The following AAK1 variants were observed in gnomAD, a reference collection of about 807,000 sequenced individuals.
AAK1 encodes AP2 associated kinase 1, also known as AP2-associated protein kinase 1.
Under a neutral mutation model 116.0 loss-of-function variants are expected in AAK1, and 37 were observed. The ratio of observed to expected loss-of-function variants is 0.32; its 90% CI spans 0.25 to 0.42. The LOEUF is 0.42. Ranked by LOEUF, AAK1 falls within the 10% of genes least tolerant of loss-of-function variation. The pLI is 1.00. For synonymous variants in AAK1, 458 were observed against 439.9 expected (o/e 1.04, Z -0.51); for missense variants, 919 against 1,170.6 (o/e 0.79, Z 3.14).
At chr2:69,612,145 T>TA (rs1357662782) in intron 2 of AAK1, among the ~76,000 whole-genome samples, 2 of 152,142 alleles carry the variant, frequency 1.3e-5, no homozygotes, top group African/African-American at 2.4e-5. Flanking sequence ...TAAAGTATAA[T>TA]AAAAAAAGTT....
chr2:69,507,703 C>A, intron 14 of AAK1, 125 bp from the exon 15 acceptor site: 3 of 933,560 alleles, frequency 3.2e-6, no homozygotes, highest in East Asian at 2.9e-5. Flanking sequence ...TTTTCCACCA[C>A]AGTATTTTTT....
In AAK1 at chr2:69,472,114, A is replaced by G; in HGVS notation, c.*3755T>C. On this transcript the variant is annotated 3_prime_UTR_variant, in exon 22 of 22. Coordinates refer to ENST00000409085, the MANE Select transcript of AAK1 (RefSeq NM_014911.5). ...ATTCTAAAGACTAAGGAATCACAGA[A>G]GTTTCCTTATTCAGAAAATTACAGA... The G allele has an allele frequency of 1.0e-6, 1 of 982,426 alleles. No individual in the cohort carries two copies. The highest frequency in any genetic ancestry group is 4.7e-5 in the South Asian group (1 of 21,232). The allele number at this position is 982,426 out of a possible 1,614,324, so 60.9% of individuals were successfully genotyped here.
chr2:69,477,155 T>C (rs1674885581), intron 20 of AAK1, among the ~76,000 whole-genome samples, 165 bp from the exon 21 acceptor site: 1 of 151,990 alleles, frequency 6.6e-6, no homozygotes, highest in Non-Finnish European at 1.5e-5. Flanking sequence ...AACTGGAAAA[T>C]ACAGAGATAT....
chr2:69,565,270 A>C (rs181874877), intron 2 of AAK1, among the ~76,000 whole-genome samples: 59 of 152,362 alleles, frequency 3.9e-4, no homozygotes, highest in Non-Finnish European at 1.9e-4. Context: ...TTGACTGCTA[A>C]AAACAGCTGG....
At chr2:69,602,660 G>A (rs770433820) in intron 2 of AAK1, among the ~76,000 whole-genome samples, 13 of 152,020 alleles carry the variant, frequency 8.6e-5, no homozygotes, top group African/African-American at 3.1e-4. Context: ...CCCCTGAGGC[G>A]CTCCTGACCA....
chr2:69,643,208 G>A lies in AAK1; in HGVS notation c.-168C>T. 1 of 1,419,302 alleles carries A rather than the reference G, an allele frequency of 7.0e-7. No individual in the cohort carries two copies. Among genetic ancestry groups the A allele is most frequent in the East Asian group, 2.6e-5 (1 of 38,740 alleles). 87.9% of individuals were successfully genotyped at this position (1,419,302 alleles called of 1,614,324 possible). A position where few individuals can be genotyped will look rare whatever the true frequency, so the allele number is the denominator to read the frequency against. On this transcript the variant is annotated 5_prime_UTR_variant, in exon 2 of 22. Transcript: ENST00000409085. ...GGGGGCTGAGGGAGGATGCCTATAG[G>A]AATATGCGTGTCAATCGCGCAGCGG...
intron 21 of AAK1, among the ~76,000 whole-genome samples, chr2:69,476,572 A>T (rs1674866269): frequency 6.6e-6 from 1 of 152,234 alleles, no homozygotes; most frequent in South Asian, 2.1e-4. Flanking sequence ...CATGATAAAA[A>T]ATGTGATGTG....
intron 2 of AAK1, among the ~76,000 whole-genome samples, chr2:69,582,204 T>C (rs906721600): frequency 5.3e-5 from 8 of 152,160 alleles, no homozygotes; most frequent in Non-Finnish European, 1.0e-4. Flanking sequence ...GATCTATTTT[T>C]TACAAAAGCC....
At position 69,471,901 on chromosome 2, in the gene AAK1, T is replaced by C. The variant is rs1417445417; in HGVS notation, c.*3968A>G. 3.0e-6 allele frequency: 3 copies of C among 985,118 alleles called. No individual in the cohort carries two copies. 61.0% of individuals were successfully genotyped at this position (985,118 alleles called of 1,614,324 possible). ...TAATCAAAACAACCAAAAGTATTAA[T>C]AATAAAACAAATATTACATCTTGAG... On this transcript the variant is annotated 3_prime_UTR_variant, in exon 22 of 22. Coordinates refer to ENST00000409085, the MANE Select transcript of AAK1 (RefSeq NM_014911.5).
intron 2 of AAK1, among the ~76,000 whole-genome samples, chr2:69,609,179 T>C (rs1057083788): frequency 6.6e-6 from 1 of 151,554 alleles, no homozygotes; most frequent in South Asian, 2.1e-4. Flanking sequence ...CTGGCCAACA[T>C]AGTGGAACCC....
At position 69,471,081 on chromosome 2, in the gene AAK1, A is replaced by C. The variant is rs1245112588; in HGVS notation, c.*4788T>G. Reference sequence around the variant, plus strand: ...AACTGTATGCTTTGTCTTCTTGGGAAGGACGCGTTAAAGACCTATGATAAA... The same window carrying C: ...AACTGTATGCTTTGTCTTCTTGGGACGGACGCGTTAAAGACCTATGATAAA... On this transcript the variant is annotated 3_prime_UTR_variant, in exon 22 of 22. Coordinates refer to ENST00000409085, the MANE Select transcript of AAK1 (RefSeq NM_014911.5). The C allele has an allele frequency of 3.0e-6, 3 of 985,736 alleles. No homozygotes were observed. The African/African-American group carries it at 5.2e-5, about 17-fold the overall frequency. The allele number at this position is 985,736 out of a possible 1,614,324, so 61.1% of individuals were successfully genotyped here. A position where few individuals can be genotyped will look rare whatever the true frequency, so the allele number is the denominator to read the frequency against.
chr2:69,633,218 C>CAAAAAAAAAA (rs199667063), intron 2 of AAK1, among the ~76,000 whole-genome samples: 2 of 106,052 alleles, frequency 1.9e-5, no homozygotes, highest in Admixed American at 8.9e-5. Flanking sequence ...GACTCTGTTT[C>CAAAAAAAAAA]AAAAAAAAAA....
At position 69,464,924 on chromosome 2, in the gene AAK1, G is replaced by A. The variant is rs887161566; in HGVS notation, c.*10945C>T. ...ATTATACTTCCTGTTGATGTGCAGG[G>A]TTTTTATCTTGCTCTTCTTTCCAGA... On this transcript the variant is annotated 3_prime_UTR_variant, in exon 22 of 22. Transcript: ENST00000409085. 16 of 156,048 alleles carry A rather than the reference G, an allele frequency of 1.0e-4. No homozygotes were observed. Among genetic ancestry groups the A allele is most frequent in the African/African-American group, 3.9e-4 (16 of 41,554 alleles). 9.7% of individuals were successfully genotyped at this position (156,048 alleles called of 1,614,324 possible). A position where few individuals can be genotyped will look rare whatever the true frequency, so the allele number is the denominator to read the frequency against.
At chr2:69,608,269 A>C (rs950426696) in intron 2 of AAK1, among the ~76,000 whole-genome samples, 1 of 152,152 alleles carries the variant, frequency 6.6e-6, no homozygotes, top group African/African-American at 2.4e-5. Context: ...ACATTCACCC[A>C]CCCAGCTCCC....
chr2:69,597,090 C>T (rs1276108950), intron 2 of AAK1, among the ~76,000 whole-genome samples: 1 of 151,510 alleles, frequency 6.6e-6, no homozygotes, highest in Non-Finnish European at 1.5e-5. Flanking sequence ...ATGGAACACA[C>T]AAAACAACAA....
At chr2:69,500,075 C>G (rs1170270254) in intron 16 of AAK1, 1 of 152,168 alleles carries the variant, frequency 6.6e-6, no homozygotes, top group East Asian at 1.9e-4. Flanking sequence ...TTTAATATAG[C>G]CCCGTGCCAT....
intron 2 of AAK1, among the ~76,000 whole-genome samples, chr2:69,579,199 C>A (rs1486750532): frequency 6.6e-6 from 1 of 152,184 alleles, no homozygotes; most frequent in Non-Finnish European, 1.5e-5. Context: ...AGGCCCAGGA[C>A]CTCTCTGTGG....
chr2:69,481,235 T>C (rs6546523), intron 18 of AAK1: 52,735 of 286,378 alleles, frequency 0.18, 5,641 homozygotes, highest in African/African-American at 0.32. Context: ...TAAGTTACTT[T>C]ATTTCTGCTG....
rs142031512 is a variant in AAK1, at chr2:69,515,225, A to T, written c.1498-476T>A. On this transcript the variant is annotated intron_variant, in intron 12 of 21. Transcript: ENST00000409085. The stretch of plus-strand genomic sequence containing the variant: ...CCTAAATGTTAACTCAACTATTAAG[A>T]CTCATCTCAAGTCTTACTAAAAATT... Among the ~76,000 whole-genome samples the T allele has an allele frequency of 4.6e-3, 694 of 152,326 alleles. 4 individuals are homozygous for T. The highest frequency in any genetic ancestry group is 0.016 in the African/African-American group (661 of 41,578).
Sources: gnomAD v4.1 joint callset for allele counts (sites outside exome capture counted in the v4.1 genomes callset) on GRCh38, gnomAD v4.1.1 for gene constraint, MANE v1.5 for transcripts, NCBI Gene and HGNC (gene_info 2026-07-23, HGNC 2026-07-21) for gene names.